The following GTF3C4 variants were observed in gnomAD, a reference collection of about 807,000 sequenced individuals.
GTF3C4 encodes the protein general transcription factor IIIC subunit 4.
A neutral mutation model predicts 67.5 loss-of-function variants in GTF3C4; 28 were observed. That is an observed-to-expected ratio of 0.41 (90% CI 0.31 to 0.57). The LOEUF is 0.57. Ranked by LOEUF, GTF3C4 falls within the 20% of genes least tolerant of loss-of-function variation. GTF3C4 has a pLI of 0.21. For missense variants in GTF3C4, 831 were observed against 1,033.2 expected, an observed-to-expected ratio of 0.80 and a Z score of 2.68; for synonymous variants, 409 against 393.0, an observed-to-expected ratio of 1.04 and a Z score of -0.48.
At chr9:132,670,368 G>A (rs1163740007), upstream of GTF3C4, 4 of 1,272,474 alleles carry the variant, frequency 3.1e-6, no homozygotes, top group Admixed American at 3.4e-5. Flanking sequence ...AGGGAAAAGG[G>A]GGTCCTCGGG....
Position 132,670,566 on chromosome 9 carries a change from G to C in GTF3C4, c.-33G>C, listed in dbSNP as rs771362964. On this transcript the variant is annotated 5_prime_UTR_variant, in exon 1 of 5. Transcript: ENST00000372146. ...AGGTGGTCGCGCGACTGCGTGGAGC[G>C]CCAGGGCGTCCGACCTCTGCACCTG... The C allele has an allele frequency of 7.3e-7, 1 of 1,373,244 alleles. No individual in the cohort carries two copies. The highest frequency in any genetic ancestry group is 2.8e-5 in the East Asian group (1 of 36,314). The allele number at this position is 1,373,244 out of a possible 1,614,324, so 85.1% of individuals were successfully genotyped here.
chr9:132,671,504 G>A (rs1835761138), intron 1 of GTF3C4, among the ~76,000 whole-genome samples: 1 of 152,086 alleles, frequency 6.6e-6, no homozygotes, highest in African/African-American at 2.4e-5. Context: ...TGGGCAAACG[G>A]GTAAATACTG....
chr9:132,680,880 G>A (rs1835931130), intron 2 of GTF3C4, among the ~76,000 whole-genome samples: 2 of 152,198 alleles, frequency 1.3e-5, no homozygotes, highest in Non-Finnish European at 2.9e-5. Context: ...GGAGGCCGAG[G>A]AGGGCAGAAC....
At chr9:132,671,336 G>T (rs1454799358) in intron 1 of GTF3C4, among the ~76,000 whole-genome samples, 6 of 152,100 alleles carry the variant, frequency 3.9e-5, no homozygotes. Context: ...TGTCGTTGCT[G>T]CTATTGTTTG....
In GTF3C4 at chr9:132,670,505, C is replaced by G; in HGVS notation, c.-94C>G. On this transcript the variant is annotated 5_prime_UTR_variant, in exon 1 of 5. Transcript: ENST00000372146. ...TCGGGGCCTGAGGGGAGAAAACCGCCGCGGAGGGCGCTGGGGGTGGCGGCG... is the reference window on the plus strand; with the variant it reads ...TCGGGGCCTGAGGGGAGAAAACCGCGGCGGAGGGCGCTGGGGGTGGCGGCG... The G allele has an allele frequency of 9.0e-7, 1 of 1,109,766 alleles. No individual in the cohort carries two copies. Among genetic ancestry groups the G allele is most frequent in the Non-Finnish European group, 1.2e-6 (1 of 832,700 alleles). The allele number at this position is 1,109,766 out of a possible 1,614,324, so 68.7% of individuals were successfully genotyped here. A position where few individuals can be genotyped will look rare whatever the true frequency, so the allele number is the denominator to read the frequency against.
chr9:132,678,403 G>A lies in GTF3C4; in HGVS notation c.784G>A (p.Val262Ile). 6.2e-7 allele frequency: 1 copy of A among 1,614,242 alleles called. No homozygotes were observed. The highest frequency in any genetic ancestry group is 8.5e-7 in the Non-Finnish European group (1 of 1,180,044). The change falls in exon 2 of 5, where the codon GTC (valine) becomes ATC (isoleucine). Residue 262 changes from valine to isoleucine, a missense_variant. Physicochemically the swap from Val to Ile is conservative, Grantham distance 29. Coordinates refer to ENST00000372146, the MANE Select transcript of GTF3C4 (RefSeq NM_012204.4). This position sits in a 1 kb window ranked among gnomAD's most constrained non-coding sequence, Gnocchi z 6.5. ...GTCGGGCATCTGTACCACCCAGCAGGTCAAGCATAACAACGAATGCCGGGA... is the reference window on the plus strand; with the variant it reads ...GTCGGGCATCTGTACCACCCAGCAGATCAAGCATAACAACGAATGCCGGGA... ...EWSGICTTQQ[V>I]KHNNECRDVG...
At position 132,691,588 on chromosome 9, in the gene GTF3C4, C is replaced by A. The variant is rs2130905336; in HGVS notation, c.*2643C>A. The A allele has an allele frequency of 6.6e-6, 1 of 152,314 alleles. No homozygotes were observed. Among genetic ancestry groups the A allele is most frequent in the East Asian group, 1.9e-4 (1 of 5,182 alleles). 9.4% of individuals were successfully genotyped at this position (152,314 alleles called of 1,614,324 possible). ...GAGTCTGATACCCACATAGGTATCA[C>A]ATTTTCTCTGCCTGGGGTTAATTTG... On this transcript the variant is annotated 3_prime_UTR_variant, in exon 5 of 5. Transcript: ENST00000372146.
At position 132,670,647 on chromosome 9, in the gene GTF3C4, G is replaced by C. The variant is rs781585893; in HGVS notation, c.49G>C (p.Ala17Pro). Residue 17 changes from alanine to proline, a missense_variant, in exon 1 of 5, where the codon GCG (alanine) becomes CCG (proline). Physicochemically the swap from Ala to Pro is conservative, Grantham distance 27. Around this residue, in one of 4 missense-constraint regions of GTF3C4, gnomAD observed 237 missense variants for 212.7 expected, o/e 1.11. Coordinates refer to ENST00000372146, the MANE Select transcript of GTF3C4 (RefSeq NM_012204.4). Reference sequence around the variant, plus strand: ...GGTGGGGCCCGCGGACGACGGGCCTGCGCCGTCTGGGGAGGAGGAGGGAGA... The same window carrying C: ...GGTGGGGCCCGCGGACGACGGGCCTCCGCCGTCTGGGGAGGAGGAGGGAGA... ...ARVGPADDGP[A>P]PSGEEEGEGG... 2.0e-6 allele frequency: 3 copies of C among 1,475,924 alleles called. No homozygotes were observed. The highest frequency in any genetic ancestry group is 2.7e-6 in the Non-Finnish European group (3 of 1,124,404). The allele number at this position is 1,475,924 out of a possible 1,614,324, so 91.4% of individuals were successfully genotyped here.
In GTF3C4 at chr9:132,678,113, A is replaced by G. The variant is rs1237266027; in HGVS notation, c.494A>G (p.Lys165Arg). The change falls in exon 2 of 5, where the codon AAG becomes AGG. Residue 165 changes from lysine to arginine, a missense_variant. By Grantham distance (26) the Lys-to-Arg change is conservative. Around this residue, in one of 4 missense-constraint regions of GTF3C4, gnomAD observed 390 missense variants for 540.3 expected, o/e 0.72. Transcript: ENST00000372146. The surrounding 1 kb of genome is among the most constrained non-coding windows in gnomAD (Gnocchi z 6.5). ...GCTTTACCACCAATGAGAGGATTCA[A>G]GTACACCAGCTGGTCTCCCATGGGT... The part of the protein sequence containing the change: ...GKALPPMRGF[K>R]YTSWSPMGCD... 16 of 1,614,160 alleles carry G rather than the reference A, an allele frequency of 9.9e-6. No individual in the cohort carries two copies. Among genetic ancestry groups the G allele is most frequent in the Admixed American group, 1.7e-5 (1 of 60,012 alleles).
At chr9:132,671,041 A>T in intron 1 of GTF3C4, 86 bp downstream of exon 1, 1 of 913,516 alleles carries the variant, frequency 1.1e-6, no homozygotes, top group Non-Finnish European at 1.8e-6. Context: ...CCGATCCCAC[A>T]CTCTGTCCGG....
chr9:132,678,151 G>A lies in GTF3C4; in HGVS notation c.532G>A (p.Gly178Ser), dbSNP rs767666438. The A allele has an allele frequency of 2.3e-5, 37 of 1,614,198 alleles. No homozygotes were observed. In the South Asian group the frequency reaches 4.1e-4, roughly 18 times the overall value. The change falls in exon 2 of 5, where the codon GGC becomes AGC. Residue 178 changes from glycine (G) to serine (S), a missense_variant. Physicochemically the swap from Gly to Ser is moderately conservative, Grantham distance 56. This residue lies in a region of GTF3C4 where 390 missense variants were observed against 540.3 expected (regional missense o/e 0.72). Transcript: ENST00000372146. This position sits in a 1 kb window ranked among gnomAD's most constrained non-coding sequence, Gnocchi z 6.5. ...GTCTCCCATGGGTTGCGATGCTAAT[G>A]GCAGGTGCCTCTTGGCAGCACTGAC... is the stretch of plus-strand genomic sequence containing the variant. Reference protein sequence around the residue: ...SWSPMGCDANGRCLLAALTMD... With the variant: ...SWSPMGCDANSRCLLAALTMD...
upstream of GTF3C4, chr9:132,670,129 T>C: frequency 6.3e-7 from 1 of 1,583,622 alleles, no homozygotes; most frequent in Non-Finnish European, 8.6e-7. Flanking sequence ...CTACCGCGCG[T>C]GCCCCCGCCT....
intron 1 of GTF3C4, among the ~76,000 whole-genome samples, chr9:132,672,714 C>T (rs191304255): frequency 6.6e-5 from 10 of 152,172 alleles, no homozygotes; most frequent in Admixed American, 3.3e-4. Flanking sequence ...TGGATAGAGG[C>T]AAGAAGATGA....
rs750611452 is a variant in GTF3C4, at chr9:132,679,735, A to G, written c.2116A>G (p.Ser706Gly). The G allele has an allele frequency of 6.2e-7, 1 of 1,614,044 alleles. No homozygotes were observed. Among genetic ancestry groups the G allele is most frequent in the Non-Finnish European group, 8.5e-7 (1 of 1,179,906 alleles). The part of the protein sequence containing the change: ...YLHTWITENT[S>G]IPTRGLCNFL... ...GCACACCTGGATCACAGAAAACACT[A>G]GCATCCCCACCCGCGGACTCTGTAA... Residue 706 changes from serine to glycine, a missense_variant, in exon 2 of 5, where the codon AGC becomes GGC. Coordinates refer to ENST00000372146, the MANE Select transcript of GTF3C4 (RefSeq NM_012204.4). This position sits in a 1 kb window ranked among gnomAD's most constrained non-coding sequence, Gnocchi z 5.9.
chr9:132,670,188 G>A (rs765236226), upstream of GTF3C4: 6 of 1,585,982 alleles, frequency 3.8e-6, no homozygotes, highest in South Asian at 5.6e-5. Flanking sequence ...AATTACATTC[G>A]GCCGAGAGTT....
At chr9:132,677,152 A>G (rs1290167845) in intron 1 of GTF3C4, among the ~76,000 whole-genome samples, 1 of 152,216 alleles carries the variant, frequency 6.6e-6, no homozygotes, top group Non-Finnish European at 1.5e-5. Context: ...CTGTAATCCC[A>G]GCACTTTGGG....
upstream of GTF3C4, chr9:132,670,451 C>A: frequency 1.1e-6 from 1 of 943,400 alleles, no homozygotes; most frequent in Non-Finnish European, 1.5e-6. Flanking sequence ...TGCCTGGCAA[C>A]GGCGGGGTCC....
Position 132,689,001 on chromosome 9 carries a change from C to G in GTF3C4, c.*56C>G. 7.6e-7 allele frequency: 1 copy of G among 1,309,846 alleles called. No homozygotes were observed. Among genetic ancestry groups the G allele is most frequent in the Non-Finnish European group, 1.1e-6 (1 of 907,496 alleles). The allele number at this position is 1,309,846 out of a possible 1,614,324, so 81.1% of individuals were successfully genotyped here. ...GATGAACTCTGCCATAGAAAACTTCCTCCAGCCTGAAGAGAAGGATGCACT... is the reference window on the plus strand; with the variant it reads ...GATGAACTCTGCCATAGAAAACTTCGTCCAGCCTGAAGAGAAGGATGCACT... On this transcript the variant is annotated 3_prime_UTR_variant, in exon 5 of 5. Coordinates refer to ENST00000372146, the MANE Select transcript of GTF3C4 (RefSeq NM_012204.4).
rs1835902132 is a variant in GTF3C4, at chr9:132,678,892, C to A, written c.1273C>A (p.Pro425Thr). 1 of 1,614,060 alleles carries A rather than the reference C, an allele frequency of 6.2e-7. No homozygotes were observed. Among genetic ancestry groups the A allele is most frequent in the Admixed American group, 1.7e-5 (1 of 60,010 alleles). ...CCATGTCACAGGCCTTCACTCACTG[C>A]CAATTGTCTCCATGACTGCAGACAA... ...NSHVTGLHSL[P>T]IVSMTADKQN... The change falls in exon 2 of 5, where the codon CCA becomes ACA. Residue 425 changes from proline to threonine, a missense_variant. By Grantham distance (38) the Pro-to-Thr change is conservative. This residue lies in a region of GTF3C4 where 390 missense variants were observed against 540.3 expected (regional missense o/e 0.72). Coordinates refer to ENST00000372146, the MANE Select transcript of GTF3C4 (RefSeq NM_012204.4). The surrounding 1 kb of genome is among the most constrained non-coding windows in gnomAD (Gnocchi z 6.5).
Sources: allele counts gnomAD v4.1 joint callset (sites outside exome capture counted in the v4.1 genomes callset), GRCh38; gene constraint gnomAD v4.1.1; regional missense constraint gnomAD v4.1.1; non-coding constraint Gnocchi (gnomAD v3.1); transcripts MANE v1.5; gene names NCBI Gene and HGNC (gene_info 2026-07-23, HGNC 2026-07-21).